TENM3: variants seen among roughly 807,000 people sequenced by gnomAD.
The protein encoded by TENM3 is teneurin-3.
A neutral mutation model predicts 255.1 loss-of-function variants in TENM3; 63 were observed. That is an observed-to-expected ratio of 0.25 (90% confidence interval 0.20 to 0.30). The LOEUF is 0.30. Ranked by LOEUF, TENM3 falls within the 10% of genes least tolerant of loss-of-function variation. The pLI is 1.00. For synonymous variants in TENM3, 1,306 were observed against 1,322.3 expected (o/e 0.99, Z 0.27); for missense variants, 2,929 against 3,461.1 (o/e 0.85, Z 3.86).
chr4:181,715,771 G>A, the TENM3 span, among the ~76,000 whole-genome samples: 1 of 152,184 alleles, frequency 6.6e-6, no homozygotes, highest in South Asian at 2.1e-4. Context: ...GCCCTAGTGG[G>A]CAGTACCAAC....
At chr4:181,515,355 G>A in the TENM3 span, among the ~76,000 whole-genome samples, 1 of 151,750 alleles carries the variant, frequency 6.6e-6, no homozygotes. Context: ...GAAGATCATT[G>A]TCCTTCTCCT....
chr4:182,653,056 T>A (rs1581220625), intron 5 of TENM3, among the ~76,000 whole-genome samples: 2 of 152,124 alleles, frequency 1.3e-5, no homozygotes, highest in South Asian at 4.1e-4. Context: ...AGTTATTTTT[T>A]AAATTTTTTA....
the TENM3 span, among the ~76,000 whole-genome samples, chr4:181,505,672 A>G: frequency 6.6e-6 from 1 of 152,186 alleles, no homozygotes; most frequent in African/African-American, 2.4e-5. Flanking sequence ...TCAGAAAACT[A>G]AAAGAACCAG....
the TENM3 span, among the ~76,000 whole-genome samples, chr4:181,970,029 C>T: frequency 1.3e-5 from 2 of 152,124 alleles, no homozygotes; most frequent in African/African-American, 2.4e-5. Context: ...AAGACAGCTC[C>T]CCATTTGTTC....
chr4:181,920,554 A>G, the TENM3 span, among the ~76,000 whole-genome samples: 1 of 152,262 alleles, frequency 6.6e-6, no homozygotes, highest in African/African-American at 2.4e-5. Context: ...GTCTGTTCAT[A>G]TCCTTCGCCC....
chr4:182,488,338 T>G (rs187268493), intron 3 of TENM3, among the ~76,000 whole-genome samples: 1 of 152,090 alleles, frequency 6.6e-6, no homozygotes, highest in Non-Finnish European at 1.5e-5. Flanking sequence ...CATGATTTGG[T>G]GATGTATTTA....
intron 3 of TENM3, among the ~76,000 whole-genome samples, chr4:182,558,564 T>C (rs1020980318): frequency 2.6e-5 from 4 of 152,130 alleles, no homozygotes; most frequent in East Asian, 1.9e-4. Flanking sequence ...AGGAAGTAGA[T>C]TGGGGATATA....
chr4:181,658,684 A>G, the TENM3 span, among the ~76,000 whole-genome samples: 1 of 152,242 alleles, frequency 6.6e-6, no homozygotes, highest in Non-Finnish European at 1.5e-5. Context: ...ACCATGTGCC[A>G]GGCACTTTAC....
chr4:181,663,557 T>C, the TENM3 span, among the ~76,000 whole-genome samples: 2 of 152,190 alleles, frequency 1.3e-5, no homozygotes, highest in African/African-American at 4.8e-5. Context: ...ACATTCTAAA[T>C]GAGAGTATTA....
chr4:181,815,995 T>C, the TENM3 span, among the ~76,000 whole-genome samples: 1 of 152,168 alleles, frequency 6.6e-6, no homozygotes, highest in Non-Finnish European at 1.5e-5. Context: ...TACGGGTAAA[T>C]CAAAATTTGT....
At chr4:182,398,749 G>C (rs1769025854) in intron 3 of TENM3, among the ~76,000 whole-genome samples, 1 of 152,284 alleles carries the variant, frequency 6.6e-6, no homozygotes, top group Non-Finnish European at 1.5e-5. Flanking sequence ...TGTGACAAAA[G>C]CTAAGTGTCT....
intron 12 of TENM3, among the ~76,000 whole-genome samples, chr4:182,701,562 T>C (rs1390244296): frequency 6.6e-6 from 1 of 152,090 alleles, no homozygotes; most frequent in African/African-American, 2.4e-5. Context: ...AGTGATTATG[T>C]ATGTGAGTAA....
the TENM3 span, among the ~76,000 whole-genome samples, chr4:182,027,694 C>T: frequency 6.6e-6 from 1 of 151,954 alleles, no homozygotes; most frequent in Non-Finnish European, 1.5e-5. Flanking sequence ...CAAATTTCAT[C>T]AAATGCTTTT....
At chr4:182,361,282 G>A (rs1765957401) in intron 3 of TENM3, among the ~76,000 whole-genome samples, 1 of 152,112 alleles carries the variant, frequency 6.6e-6, no homozygotes, top group Admixed American at 6.6e-5. Flanking sequence ...GCTAGATTGG[G>A]GAAGTTCTCC....
chr4:182,795,381 A>G (rs1034810334), intron 26 of TENM3, among the ~76,000 whole-genome samples: 1 of 152,134 alleles, frequency 6.6e-6, no homozygotes, highest in Non-Finnish European at 1.5e-5. Context: ...TTTTCTCCCA[A>G]AATAAGGCCC....
the TENM3 span, among the ~76,000 whole-genome samples, chr4:181,584,924 G>A: frequency 1.3e-5 from 2 of 151,148 alleles, no homozygotes; most frequent in South Asian, 2.1e-4. Flanking sequence ...TTAATCTGTC[G>A]GGATGCGGTA....
chr4:181,804,438 CAAG>C, the TENM3 span, among the ~76,000 whole-genome samples: 1 of 151,894 alleles, frequency 6.6e-6, no homozygotes, highest in Non-Finnish European at 1.5e-5. Flanking sequence ...ATAATAAACA[CAAG>C]AAAAAATGTG....
intron 6 of TENM3, among the ~76,000 whole-genome samples, chr4:182,669,806 C>T (rs1490487511): frequency 1.3e-5 from 2 of 152,096 alleles, no homozygotes; most frequent in African/African-American, 4.8e-5. Flanking sequence ...TTCTGCAGAC[C>T]TTGATTTCAG....
chr4:182,245,076 G>C (rs1263172952), intron 1 of TENM3, among the ~76,000 whole-genome samples: 8 of 152,172 alleles, frequency 5.3e-5, no homozygotes, highest in Non-Finnish European at 1.0e-4. Context: ...CGAGTGTTAG[G>C]CTGTGCTATT....
Sources: allele counts gnomAD v4.1 joint callset (sites outside exome capture counted in the v4.1 genomes callset), GRCh38; gene constraint gnomAD v4.1.1; transcripts MANE v1.5; gene names NCBI Gene and HGNC (gene_info 2026-07-23, HGNC 2026-07-21).